The following CRACR2A variants were observed in gnomAD, a reference collection of about 807,000 sequenced individuals.
CRACR2A encodes the protein calcium release activated channel regulator 2A.
CRACR2A carries 79 observed loss-of-function variants against 90.5 expected under a neutral mutation model. The observed-to-expected ratio is 0.87, with a 90% confidence interval of 0.73 to 1.05. The LOEUF (loss-of-function observed/expected upper bound fraction) is 1.05, where lower values mean the gene tolerates loss of function less well. Among genes scored for constraint, CRACR2A ranks in the 50% least tolerant of loss-of-function variants. CRACR2A has a pLI of 0.00. For missense variants in CRACR2A, 823 were observed against 897.2 expected, an observed-to-expected ratio of 0.92 and a Z score of 1.06; for synonymous variants, 338 against 356.7, an observed-to-expected ratio of 0.95 and a Z score of 0.59.
intron 4 of CRACR2A, among the ~76,000 whole-genome samples, chr12:3,688,403 A>G (rs879120217): frequency 6.6e-6 from 1 of 152,212 alleles, no homozygotes; most frequent in African/African-American, 2.4e-5. Context: ...TATATTCTGC[A>G]TATGACTAGC....
rs114993019 is a variant in CRACR2A at position 3,621,367 on chromosome 12, G to A, written c.1933-1995C>T. ...CATAAACAGCAATGGTGCCTCTTGCGTCCTGGGAAAAGAAAGGGCAGGTTT... is the reference window on the plus strand; with the variant it reads ...CATAAACAGCAATGGTGCCTCTTGCATCCTGGGAAAAGAAAGGGCAGGTTT... On this transcript the variant is annotated intron_variant, in intron 17 of 19. Transcript: ENST00000440314. 2.5e-3 allele frequency among the ~76,000 whole-genome samples: 380 copies of A among 151,234 alleles called. 5 individuals are homozygous for A. The highest frequency in any genetic ancestry group is 8.8e-3 in the African/African-American group (364 of 41,198).
intron 11 of CRACR2A, chr12:3,648,119 C>G: frequency 9.9e-7 from 1 of 1,013,778 alleles, no homozygotes; most frequent in Non-Finnish European, 1.2e-6. Context: ...TAAATTACTT[C>G]TTTCCTCTAA....
At chr12:3,661,335 G>C (rs527392939) in intron 7 of CRACR2A, among the ~76,000 whole-genome samples, 17 of 152,266 alleles carry the variant, frequency 1.1e-4, no homozygotes, top group African/African-American at 3.6e-4. Flanking sequence ...CACAGCCTTG[G>C]AGTTCCCTTG....
intron 1 of CRACR2A, among the ~76,000 whole-genome samples, chr12:3,747,961 C>A (rs969334453): frequency 6.7e-6 from 1 of 150,178 alleles, no homozygotes; most frequent in Admixed American, 6.6e-5. Context: ...CTCAGGGGTG[C>A]ACCCAGAAGG....
chr12:3,714,388 G>A (rs564251237), intron 2 of CRACR2A, among the ~76,000 whole-genome samples: 22 of 152,292 alleles, frequency 1.4e-4, no homozygotes, highest in South Asian at 1.2e-3. Context: ...CCACCTGTTG[G>A]CACCCCTGTC....
At chr12:3,710,897 T>C (rs950622401) in intron 3 of CRACR2A, among the ~76,000 whole-genome samples, 8 of 152,158 alleles carry the variant, frequency 5.3e-5, no homozygotes, top group African/African-American at 1.7e-4. Flanking sequence ...CCCCATTTCC[T>C]ACTATCATCC....
At chr12:3,712,657 C>T (rs539393968) in intron 3 of CRACR2A, among the ~76,000 whole-genome samples, 1 of 152,194 alleles carries the variant, frequency 6.6e-6, no homozygotes, top group Admixed American at 6.5e-5. Flanking sequence ...CTAGGGATTA[C>T]AATTCAACAT....
At chr12:3,694,703 C>T (rs1945708544) in intron 4 of CRACR2A, among the ~76,000 whole-genome samples, 2 of 152,202 alleles carry the variant, frequency 1.3e-5, no homozygotes, top group African/African-American at 4.8e-5. Flanking sequence ...GCCCATCTTC[C>T]TTCAGAGGTG....
rs1339020102 is a variant in CRACR2A at position 3,691,145 on chromosome 12, G to T, written c.228+5627C>A. On this transcript the variant is annotated intron_variant, in intron 4 of 19. Transcript: ENST00000440314. ...CCTTTTAATTGGGGGCATTTAGCCT[G>T]TTTATATTCAAGGTTATTATTAACA... Among the ~76,000 whole-genome samples, 5 of 152,122 alleles carry T rather than the reference G, an allele frequency of 3.3e-5. No homozygotes were observed. The East Asian group carries it at 9.6e-4, about 29-fold the overall frequency.
intron 14 of CRACR2A, among the ~76,000 whole-genome samples, chr12:3,636,414 C>G (rs1263972821): frequency 2.0e-5 from 3 of 152,190 alleles, no homozygotes; most frequent in African/African-American, 7.2e-5. Context: ...GGAGTGGGCA[C>G]AGAAGTGAGA....
chr12:3,644,877 C>T (rs1944657482), intron 11 of CRACR2A, among the ~76,000 whole-genome samples: 1 of 152,184 alleles, frequency 6.6e-6, no homozygotes, highest in Admixed American at 6.5e-5. Flanking sequence ...CGTGGCCCAT[C>T]AGGATTATGC....
At chr12:3,697,642 G>A (rs941275937) in intron 3 of CRACR2A, among the ~76,000 whole-genome samples, 5 of 152,176 alleles carry the variant, frequency 3.3e-5, no homozygotes, top group African/African-American at 4.8e-5. Flanking sequence ...CTCTCCTCAG[G>A]TGGATGCACT....
At chr12:3,747,296 G>A (rs374371987) in intron 1 of CRACR2A, among the ~76,000 whole-genome samples, 38 of 152,146 alleles carry the variant, frequency 2.5e-4, no homozygotes, top group African/African-American at 8.5e-4. Context: ...TTCATAAAAC[G>A]GTTACAAAGA....
chr12:3,735,205 C>T (rs1013013298), intron 1 of CRACR2A, among the ~76,000 whole-genome samples: 2 of 152,116 alleles, frequency 1.3e-5, no homozygotes, highest in African/African-American at 4.8e-5. Context: ...TTCAGTTACA[C>T]CTCAATAAAG....
chr12:3,692,784 C>T (rs1945672018), intron 4 of CRACR2A, among the ~76,000 whole-genome samples: 1 of 152,232 alleles, frequency 6.6e-6, no homozygotes, highest in Middle Eastern at 3.4e-3. Flanking sequence ...CCCCTGTGGG[C>T]AACTGTGTGC....
intron 7 of CRACR2A, among the ~76,000 whole-genome samples, chr12:3,668,782 A>T (rs1018733141): frequency 6.6e-6 from 1 of 152,118 alleles, no homozygotes; most frequent in Non-Finnish European, 1.5e-5. Context: ...GAGCACAGGG[A>T]ATCACCATGG....
intron 3 of CRACR2A, among the ~76,000 whole-genome samples, chr12:3,708,505 A>G (rs1160963437): frequency 6.6e-6 from 1 of 152,072 alleles, no homozygotes; most frequent in Non-Finnish European, 1.5e-5. Flanking sequence ...GCTCACTACA[A>G]GCTCCGCCTC....
intron 1 of CRACR2A, among the ~76,000 whole-genome samples, chr12:3,736,010 C>A (rs1946444117): frequency 6.6e-6 from 1 of 152,036 alleles, no homozygotes; most frequent in Non-Finnish European, 1.5e-5. Context: ...TGTGAAGAAG[C>A]CCATCAGGAG....
At chr12:3,653,210 T>C (rs1048745776) in intron 10 of CRACR2A, among the ~76,000 whole-genome samples, 7 of 150,772 alleles carry the variant, frequency 4.6e-5, no homozygotes, top group South Asian at 4.2e-4. Context: ...CTTGAACTCC[T>C]GACCTTGTAA....
Sources: allele counts gnomAD v4.1 joint callset (sites outside exome capture counted in the v4.1 genomes callset), GRCh38; gene constraint gnomAD v4.1.1; transcripts MANE v1.5; gene names NCBI Gene and HGNC (gene_info 2026-07-23, HGNC 2026-07-21).